RAB3GAP1: variants seen among roughly 807,000 people sequenced by gnomAD.
RAB3GAP1 encodes the protein rab3 GTPase-activating protein catalytic subunit.
RAB3GAP1 carries 86 observed loss-of-function variants against 130.7 expected under a neutral mutation model. The ratio of observed to expected loss-of-function variants is 0.66; its 90% CI spans 0.55 to 0.79. The LOEUF (loss-of-function observed/expected upper bound fraction) is 0.79, where lower values mean the gene tolerates loss of function less well. RAB3GAP1 is among the 30% of genes least tolerant of loss of function. The pLI, the probability that RAB3GAP1 is intolerant of heterozygous loss-of-function variation, is 0.00. For missense variants in RAB3GAP1, 1,029 were observed against 1,169.4 expected (o/e 0.88, Z 1.75); for synonymous variants, 367 against 401.7 (o/e 0.91, Z 1.03).
chr2:135,150,781 G>A (rs1023429328), intron 18 of RAB3GAP1, among the ~76,000 whole-genome samples: 1 of 152,156 alleles, frequency 6.6e-6, no homozygotes, highest in African/African-American at 2.4e-5. Context: ...CTTTGTTTGT[G>A]TTCAGCCAAT....
chr2:135,074,991 G>T (rs1216133005), intron 3 of RAB3GAP1, among the ~76,000 whole-genome samples: 1 of 152,118 alleles, frequency 6.6e-6, no homozygotes, highest in Non-Finnish European at 1.5e-5. Context: ...CCCCACCTGG[G>T]ACCCCTTCCT....
chr2:135,072,616 C>T (rs543478668), intron 3 of RAB3GAP1, among the ~76,000 whole-genome samples: 10 of 152,252 alleles, frequency 6.6e-5, no homozygotes, highest in African/African-American at 1.4e-4. Flanking sequence ...TCATGACTTA[C>T]GTAGACCATC....
At chr2:135,054,085 G>A (rs1008698484) in intron 2 of RAB3GAP1, among the ~76,000 whole-genome samples, 1 of 152,154 alleles carries the variant, frequency 6.6e-6, no homozygotes, top group African/African-American at 2.4e-5. Context: ...ATTGGGTTAT[G>A]GACATCTTCC....
intron 5 of RAB3GAP1, among the ~76,000 whole-genome samples, chr2:135,105,243 C>A (rs1442765359): frequency 7.9e-6 from 1 of 126,850 alleles, no homozygotes; most frequent in Non-Finnish European, 1.7e-5. Flanking sequence ...CTCCCCCCTT[C>A]CCCCTCCCCC....
intron 17 of RAB3GAP1, among the ~76,000 whole-genome samples, chr2:135,141,020 T>C (rs2104960999): frequency 6.6e-6 from 1 of 152,248 alleles, no homozygotes; most frequent in Admixed American, 6.5e-5. Flanking sequence ...ATCTTGTGGT[T>C]TTACATTTTC....
chr2:135,142,457 C>T (rs1000066400), intron 17 of RAB3GAP1, among the ~76,000 whole-genome samples: 1 of 152,060 alleles, frequency 6.6e-6, no homozygotes, highest in East Asian at 1.9e-4. Context: ...ACAATCATGT[C>T]GTCTTTTAGT....
At chr2:135,065,763 A>G (rs527895029) in intron 3 of RAB3GAP1, among the ~76,000 whole-genome samples, 123 of 146,520 alleles carry the variant, frequency 8.4e-4, no homozygotes, top group African/African-American at 2.9e-3. Flanking sequence ...CGGGATCTTC[A>G]CTAATTTTTT....
At chr2:135,117,579 T>TTCTTCTTCTG (rs1558784391) in intron 7 of RAB3GAP1, among the ~76,000 whole-genome samples, 2,444 of 138,002 alleles carry the variant, frequency 0.018, 83 homozygotes, top group African/African-American at 0.069. Flanking sequence ...TGCTTCTTCT[T>TTCTTCTTCTG]CTGCTTCTTC....
At chr2:135,061,846 TTTC>T (rs980151337) in intron 3 of RAB3GAP1, among the ~76,000 whole-genome samples, 3 of 151,442 alleles carry the variant, frequency 2.0e-5, no homozygotes, top group African/African-American at 4.9e-5. Flanking sequence ...AGGGATCAAG[TTTC>T]TTCTTCCTTT....
At chr2:135,100,479 C>T (rs890024115) in intron 5 of RAB3GAP1, among the ~76,000 whole-genome samples, 4 of 152,164 alleles carry the variant, frequency 2.6e-5, no homozygotes, top group South Asian at 2.1e-4. Flanking sequence ...TCAAATTCAG[C>T]GGTGTATTTT....
At chr2:135,147,345 C>CA (rs34677841) in intron 17 of RAB3GAP1, among the ~76,000 whole-genome samples, 1,033 of 83,902 alleles carry the variant, frequency 0.012, 5 homozygotes, top group African/African-American at 0.025. Context: ...GACTCTGTCT[C>CA]AAAAAAAAAA....
chr2:135,146,377 A>G (rs946568995), intron 17 of RAB3GAP1, among the ~76,000 whole-genome samples: 139 of 151,736 alleles, frequency 9.2e-4, no homozygotes, highest in African/African-American at 3.1e-3. Flanking sequence ...AAGCCTGACT[A>G]ATTTTTGTAT....
At chr2:135,071,499 G>A (rs950035733) in intron 3 of RAB3GAP1, among the ~76,000 whole-genome samples, 3 of 150,690 alleles carry the variant, frequency 2.0e-5, no homozygotes, top group Admixed American at 6.6e-5. Flanking sequence ...GGTGTTGCAG[G>A]TAGTAAAATA....
At position 135,162,984 on chromosome 2, in the gene RAB3GAP1, A is replaced by G. The variant is rs769988695; in HGVS notation, c.2491-2A>G. Reference sequence around the variant, plus strand: ...GTATGCCTCTTCCTTTTCTACCGCCAGGAAATCATTCACCAGATTACTAAT... The same window carrying G: ...GTATGCCTCTTCCTTTTCTACCGCCGGGAAATCATTCACCAGATTACTAAT... On this transcript the variant is annotated splice_acceptor_variant, in intron 21 of 23. Transcript: ENST00000264158. LOFTEE classifies it high-confidence loss of function. 6.2e-7 allele frequency: 1 copy of G among 1,611,676 alleles called. No homozygotes were observed.
At chr2:135,137,853 T>A (rs1230794662) in intron 17 of RAB3GAP1, among the ~76,000 whole-genome samples, 1 of 150,680 alleles carries the variant, frequency 6.6e-6, no homozygotes, top group Non-Finnish European at 1.5e-5. Context: ...TGACACAGAG[T>A]CTCTCTTTGT....
At chr2:135,141,477 G>A (rs1472402577) in intron 17 of RAB3GAP1, among the ~76,000 whole-genome samples, 1 of 152,002 alleles carries the variant, frequency 6.6e-6, no homozygotes, top group African/African-American at 2.4e-5. Flanking sequence ...GCCTGTCTGG[G>A]CCTCCCAAAG....
chr2:135,081,978 C>T (rs1180061032), intron 3 of RAB3GAP1, among the ~76,000 whole-genome samples: 3 of 151,842 alleles, frequency 2.0e-5, no homozygotes, highest in African/African-American at 4.8e-5. Flanking sequence ...CCCATCTATA[C>T]TAAAAATACA....
intron 7 of RAB3GAP1, among the ~76,000 whole-genome samples, chr2:135,119,749 C>CAA (rs756128131): frequency 6.6e-6 from 1 of 152,300 alleles, no homozygotes; most frequent in East Asian, 1.9e-4. Context: ...CTTTGCTACT[C>CAA]AAAGTGTAGT....
At chr2:135,087,261 A>AT (rs952402210) in intron 3 of RAB3GAP1, among the ~76,000 whole-genome samples, 6 of 152,242 alleles carry the variant, frequency 3.9e-5, no homozygotes, top group African/African-American at 1.4e-4. Context: ...TATTTCATTG[A>AT]TCTGTTTGTC....
Sources: gnomAD v4.1 joint callset for allele counts (sites outside exome capture counted in the v4.1 genomes callset) on GRCh38, gnomAD v4.1.1 for gene constraint, MANE v1.5 for transcripts, NCBI Gene and HGNC (gene_info 2026-07-23, HGNC 2026-07-21) for gene names.